ST3GAL1: variants seen among roughly 807,000 people sequenced by gnomAD.
ST3GAL1 encodes the protein CMP-N-acetylneuraminate-beta-galactosamide-alpha-2,3-sialyltransferase 1.
Under a neutral mutation model 34.1 loss-of-function variants are expected in ST3GAL1, and 16 were observed. That is an observed-to-expected ratio of 0.47 (90% CI 0.32 to 0.71). The LOEUF (loss-of-function observed/expected upper bound fraction) is 0.71. Ranked by LOEUF, ST3GAL1 falls within the 30% of genes least tolerant of loss-of-function variation. The pLI, the probability that ST3GAL1 is intolerant of heterozygous loss-of-function variation, is 0.04. For missense variants in ST3GAL1, 353 were observed against 447.4 expected (o/e 0.79, Z 1.90); for synonymous variants, 191 against 184.7 (o/e 1.03, Z -0.28).
chr8:133,506,285 A>G (rs1395472255), intron 2 of ST3GAL1, among the ~76,000 whole-genome samples: 3 of 134,898 alleles, frequency 2.2e-5, no homozygotes, highest in Non-Finnish European at 5.4e-5. Context: ...AGATGAGAAC[A>G]ACAGGACTGA....
chr8:133,480,070 C>CAGAACAAGG (rs1816324622), intron 3 of ST3GAL1, among the ~76,000 whole-genome samples: 2 of 152,120 alleles, frequency 1.3e-5, no homozygotes, highest in South Asian at 4.1e-4. Flanking sequence ...CCGGGCCCCC[C>CAGAACAAGG]AGAACAAGGA....
rs1268728007 is a variant in ST3GAL1, at chr8:133,467,078, G to C, written c.307-988C>G. On this transcript the variant is annotated intron_variant, in intron 5 of 9. Coordinates refer to ENST00000522652, the MANE Select transcript of ST3GAL1 (RefSeq NM_173344.3). The surrounding 1 kb of genome is among the most constrained non-coding windows in gnomAD (Gnocchi z 4.2). ...CCACTGCACTTCAGCCTGGGTGACA[G>C]AGCGAGACTCCAACTCGAAAAAAAA... Among the ~76,000 whole-genome samples, 1 of 149,328 alleles carries C rather than the reference G, an allele frequency of 6.7e-6. No homozygotes were observed. Among genetic ancestry groups the C allele is most frequent in the South Asian group, 2.1e-4 (1 of 4,736 alleles).
intron 3 of ST3GAL1, among the ~76,000 whole-genome samples, chr8:133,489,384 G>A (rs111503986): frequency 0.01 from 1,595 of 152,016 alleles, 30 homozygotes; most frequent in African/African-American, 0.035. Flanking sequence ...GCCCCTCCCC[G>A]GACACCCCTC....
chr8:133,528,464 T>C (rs918925881), intron 2 of ST3GAL1, among the ~76,000 whole-genome samples: 2 of 152,196 alleles, frequency 1.3e-5, no homozygotes, highest in Non-Finnish European at 2.9e-5. Context: ...AGAGTCTCTG[T>C]CCAGTGATGG....
intron 2 of ST3GAL1, among the ~76,000 whole-genome samples, chr8:133,527,494 G>A (rs1246836584): frequency 6.6e-6 from 1 of 152,162 alleles, no homozygotes; most frequent in Non-Finnish European, 1.5e-5. Flanking sequence ...CAGATTGCCA[G>A]GTTCAAATCC....
chr8:133,467,025 G>A lies in ST3GAL1; in HGVS notation c.307-935C>T, dbSNP rs193285183. ...TGGGAGAATCTCTTGAACCCGGAAG[G>A]CGGAGGTTGCAGTGAGCCAAGACAG... On this transcript the variant is annotated intron_variant, in intron 5 of 9. Transcript: ENST00000522652. This position sits in a 1 kb window ranked among gnomAD's most constrained non-coding sequence, Gnocchi z 4.2. Among the ~76,000 whole-genome samples, 111 of 151,954 alleles carry A rather than the reference G, an allele frequency of 7.3e-4. 2 individuals carry two copies. The East Asian group carries it at 0.016, about 22-fold the overall frequency.
chr8:133,460,283 G>T (rs1331920123), intron 9 of ST3GAL1, among the ~76,000 whole-genome samples: 1 of 152,168 alleles, frequency 6.6e-6, no homozygotes, highest in African/African-American at 2.4e-5. Context: ...GGAGGGCGTG[G>T]AATGGAAGAG....
chr8:133,538,306 G>A (rs935975152), intron 2 of ST3GAL1, among the ~76,000 whole-genome samples: 2 of 152,240 alleles, frequency 1.3e-5, no homozygotes, highest in Non-Finnish European at 2.9e-5. Flanking sequence ...CCTGAGGTCA[G>A]GAGTTCGAGA....
chr8:133,562,122 A>T (rs1819242927), intron 1 of ST3GAL1, among the ~76,000 whole-genome samples: 2 of 152,164 alleles, frequency 1.3e-5, no homozygotes, highest in Admixed American at 6.5e-5. Flanking sequence ...CCAAGTAGAA[A>T]TGATAATTTC....
rs763810261 is a variant in ST3GAL1, at chr8:133,464,875, G to A, written c.586C>T (p.Arg196Trp). The change falls in exon 7 of 10, where the codon CGG (arginine) becomes TGG (tryptophan). Residue 196 changes from arginine to tryptophan, a missense_variant. By Grantham distance (101) the Arg-to-Trp change is moderately radical (BLOSUM62 -3). Transcript: ENST00000522652. ...THHLVYPESF[R>W]ELGDNVSMIL... is the part of the protein sequence containing the mutation. ...ATGCTGACATTATCTCCCAGCTCCCGGAAGCTCTCAGGGTACACCAGATGG... is the reference window on the plus strand; with the variant it reads ...ATGCTGACATTATCTCCCAGCTCCCAGAAGCTCTCAGGGTACACCAGATGG... The A allele has an allele frequency of 3.7e-6, 6 of 1,613,950 alleles. No homozygotes were observed. The highest frequency in any genetic ancestry group is 2.7e-5 in the African/African-American group (2 of 74,882).
intron 2 of ST3GAL1, among the ~76,000 whole-genome samples, chr8:133,521,871 T>TA (rs1334375507): frequency 6.6e-6 from 1 of 152,212 alleles, no homozygotes. Context: ...AAGAAAACAG[T>TA]ATGAACTACT....
At chr8:133,540,806 G>GACATATATATAT (rs1228189009) in intron 2 of ST3GAL1, among the ~76,000 whole-genome samples, 17,889 of 87,162 alleles carry the variant, frequency 0.21, 3,221 homozygotes, top group Middle Eastern at 0.28. Flanking sequence ...CATATATATA[G>GACATATATATAT]AGAGACATAT....
chr8:133,495,237 C>T (rs182815092), intron 3 of ST3GAL1, among the ~76,000 whole-genome samples: 1 of 152,160 alleles, frequency 6.6e-6, no homozygotes, highest in East Asian at 1.9e-4. Context: ...CTTTTCCACA[C>T]ACATGACTAA....
At chr8:133,531,511 A>G (rs971964093) in intron 2 of ST3GAL1, among the ~76,000 whole-genome samples, 2 of 152,140 alleles carry the variant, frequency 1.3e-5, no homozygotes, top group Admixed American at 6.5e-5. Flanking sequence ...TCTCTTGTCT[A>G]TGGTAACCCA....
Position 133,457,504 on chromosome 8 carries a change from G to A in ST3GAL1, c.*2260C>T, listed in dbSNP as rs1430500744. The A allele has an allele frequency of 6.6e-6, 1 of 152,176 alleles. No individual in the cohort carries two copies. The highest frequency in any genetic ancestry group is 2.4e-5 in the African/African-American group (1 of 41,422). The allele number at this position is 152,176 out of a possible 1,614,324, so 9.4% of individuals were successfully genotyped here. A position where few individuals can be genotyped will look rare whatever the true frequency, so the allele number is the denominator to read the frequency against. ...GTTGAGCTCTTAACGTCATATATGGGTGTGAGCTCTGCCCTTCGAGGCTGT... is the reference window on the plus strand; with the variant it reads ...GTTGAGCTCTTAACGTCATATATGGATGTGAGCTCTGCCCTTCGAGGCTGT... On this transcript the variant is annotated 3_prime_UTR_variant, in exon 10 of 10. Transcript: ENST00000522652.
At chr8:133,483,213 G>T (rs1188214364) in intron 3 of ST3GAL1, among the ~76,000 whole-genome samples, 2 of 152,238 alleles carry the variant, frequency 1.3e-5, no homozygotes, top group East Asian at 3.9e-4. Context: ...GTGGTGGCAG[G>T]CACCTGTAAT....
chr8:133,499,852 C>G lies in ST3GAL1; in HGVS notation c.-428-663G>C, dbSNP rs1031691004. ...GTCAAAGGCTGTTCTCACCCACCCC[C>G]ATCCCCAGGGAAGCGTGTGCACTCG... On this transcript the variant is annotated intron_variant, in intron 2 of 9. Coordinates refer to ENST00000522652, the MANE Select transcript of ST3GAL1 (RefSeq NM_173344.3). Among the ~76,000 whole-genome samples, 4 of 152,328 alleles carry G rather than the reference C, an allele frequency of 2.6e-5. No homozygotes were observed. The South Asian group carries it at 6.2e-4, about 24-fold the overall frequency.
At chr8:133,567,534 G>A (rs1466351181) in intron 1 of ST3GAL1, among the ~76,000 whole-genome samples, 1 of 152,176 alleles carries the variant, frequency 6.6e-6, no homozygotes, top group Non-Finnish European at 1.5e-5. Context: ...AGCAAAACAG[G>A]CCCTGGTGAG....
intron 2 of ST3GAL1, chr8:133,516,189 T>A (rs1377577509): frequency 6.6e-6 from 1 of 152,204 alleles, no homozygotes; most frequent in Non-Finnish European, 1.5e-5. Flanking sequence ...AGTCTACTGA[T>A]CCTCCCTGCT....
Sources: allele counts gnomAD v4.1 joint callset (sites outside exome capture counted in the v4.1 genomes callset), GRCh38; gene constraint gnomAD v4.1.1; non-coding constraint Gnocchi (gnomAD v3.1); transcripts MANE v1.5; gene names NCBI Gene and HGNC (gene_info 2026-07-23, HGNC 2026-07-21).